The following GRIK1 variants were observed in gnomAD, a reference collection of about 807,000 sequenced individuals.
The protein encoded by GRIK1 is glutamate receptor ionotropic, kainate 1.
GRIK1 carries 69 observed loss-of-function variants against 105.7 expected under a neutral mutation model. The ratio of observed to expected loss-of-function variants is 0.65; its 90% CI spans 0.54 to 0.80. The LOEUF (loss-of-function observed/expected upper bound fraction) is 0.80, where lower values mean the gene tolerates loss of function less well. GRIK1 is among the 30% of genes least tolerant of loss of function. GRIK1 has a pLI of 0.00. For missense variants in GRIK1, 1,109 were observed against 1,167.3 expected, an observed-to-expected ratio of 0.95 and a Z score of 0.73; for synonymous variants, 438 against 431.3, an observed-to-expected ratio of 1.02 and a Z score of -0.19.
intron 1 of GRIK1, among the ~76,000 whole-genome samples, chr21:29,840,222 T>C (rs1172803521): frequency 6.6e-6 from 1 of 151,936 alleles, no homozygotes; most frequent in Non-Finnish European, 1.5e-5. Context: ...TTTTGAAAAA[T>C]AAGAAAAAAA....
At chr21:29,775,839 C>A (rs13053028) in intron 1 of GRIK1, among the ~76,000 whole-genome samples, 2 of 152,176 alleles carry the variant, frequency 1.3e-5, no homozygotes, top group Non-Finnish European at 2.9e-5. Context: ...GATTTAAAGG[C>A]GCTAAACCTC....
chr21:29,547,927 T>C (rs540571625), intron 16 of GRIK1, among the ~76,000 whole-genome samples: 1 of 152,324 alleles, frequency 6.6e-6, no homozygotes, highest in South Asian at 2.1e-4. Flanking sequence ...GAGTGGGTTA[T>C]CAAATGACAG....
At chr21:29,729,774 T>C (rs1422329484) in intron 1 of GRIK1, among the ~76,000 whole-genome samples, 1 of 152,168 alleles carries the variant, frequency 6.6e-6, no homozygotes, top group African/African-American at 2.4e-5. Context: ...TCTGGAGATG[T>C]TACCTATATG....
intron 1 of GRIK1, chr21:29,748,700 T>C (rs2065106642): frequency 6.6e-6 from 1 of 152,210 alleles, no homozygotes; most frequent in African/African-American, 2.4e-5. Flanking sequence ...AAGATAGTTA[T>C]TACACACATG....
intron 1 of GRIK1, among the ~76,000 whole-genome samples, chr21:29,750,548 A>G (rs1431141396): frequency 1.3e-5 from 2 of 152,180 alleles, no homozygotes; most frequent in East Asian, 3.9e-4. Context: ...ATGTGGCACC[A>G]CATTTGTCTT....
rs538612342 is a variant in GRIK1, at chr21:29,814,240, C to A, written c.119-120177G>T. On this transcript the variant is annotated intron_variant, in intron 1 of 17. Transcript: ENST00000327783. Reference sequence around the variant, plus strand: ...TGCTGGGATTACAGCCGTGAGTCACCGTGCCCAGCTCCCAAGAAACTTTCT... The same window carrying A: ...TGCTGGGATTACAGCCGTGAGTCACAGTGCCCAGCTCCCAAGAAACTTTCT... 3.3e-5 allele frequency among the ~76,000 whole-genome samples: 5 copies of A among 151,720 alleles called. No individual in the cohort carries two copies. In the South Asian group the frequency reaches 1.0e-3, roughly 32 times the overall value.
chr21:29,652,338 G>A (rs576361532), intron 5 of GRIK1, among the ~76,000 whole-genome samples: 7 of 151,774 alleles, frequency 4.6e-5, no homozygotes, highest in Non-Finnish European at 8.8e-5. Flanking sequence ...ACTCCTGGCC[G>A]AAAAAAAATC....
At chr21:29,554,858 G>A (rs1248089782) in intron 16 of GRIK1, among the ~76,000 whole-genome samples, 194 bp downstream of exon 16, 1 of 152,060 alleles carries the variant, frequency 6.6e-6, no homozygotes, top group African/African-American at 2.4e-5. Flanking sequence ...CTTCCTTGTC[G>A]TTAATAAATG....
rs34910439 is a variant in GRIK1 at position 29,541,575 on chromosome 21, C to CTTTTTTTTTTTTTTTTTTTTTTTTT, written c.2608-3692_2608-3691insAAAAAAAAAAAAAAAAAAAAAAAAA. Among the ~76,000 whole-genome samples, 39 of 95,970 alleles carry CTTTTTTTTTTTTTTTTTTTTTTTTT rather than the reference C, an allele frequency of 4.1e-4. 1 individual carries two copies. The highest frequency in any genetic ancestry group is 6.9e-4 in the Admixed American group (6 of 8,668). 63.0% of individuals were successfully genotyped at this position (95,970 alleles called of 152,430 possible). A position where few individuals can be genotyped will look rare whatever the true frequency, so the allele number is the denominator to read the frequency against. ...CTATGCCATTCATTGCACTCACGGT[C>CTTTTTTTTTTTTTTTTTTTTTTTTT]TTTTTTTTTTTTTTTTTTTTTGTGG... On this transcript the variant is annotated intron_variant, in intron 16 of 17. Transcript: ENST00000327783.
chr21:29,845,401 G>C (rs1385576469), intron 1 of GRIK1, among the ~76,000 whole-genome samples: 1 of 152,036 alleles, frequency 6.6e-6, no homozygotes, highest in African/African-American at 2.4e-5. Flanking sequence ...TGTTTTGTGA[G>C]ATATTTCAAG....
chr21:29,649,070 G>C (rs1024626311), intron 6 of GRIK1, among the ~76,000 whole-genome samples: 1 of 152,028 alleles, frequency 6.6e-6, no homozygotes, highest in African/African-American at 2.4e-5. Flanking sequence ...AGGTCCTTTC[G>C]TGCCCTTCAA....
intron 1 of GRIK1, among the ~76,000 whole-genome samples, chr21:29,906,403 AT>A (rs920741884): frequency 3.9e-5 from 6 of 152,224 alleles, no homozygotes; most frequent in African/African-American, 1.4e-4. Context: ...CTTCAGAAAA[AT>A]ATAACATACT....
chr21:29,692,269 T>C (rs938591623), intron 2 of GRIK1, among the ~76,000 whole-genome samples: 2 of 152,178 alleles, frequency 1.3e-5, no homozygotes, highest in African/African-American at 4.8e-5. Flanking sequence ...CATTGCTAAA[T>C]GTGGTTGGCT....
At chr21:29,781,871 C>G (rs544622154) in intron 1 of GRIK1, among the ~76,000 whole-genome samples, 1 of 149,614 alleles carries the variant, frequency 6.7e-6, no homozygotes, top group East Asian at 2.0e-4. Flanking sequence ...GGGGTTTCAC[C>G]TTGTTAGCCA....
At chr21:29,686,449 C>T (rs1263806687) in intron 3 of GRIK1, among the ~76,000 whole-genome samples, 2 of 152,140 alleles carry the variant, frequency 1.3e-5, no homozygotes, top group East Asian at 3.9e-4. Context: ...GAAACCAAAA[C>T]GAAGGAGTTT....
In GRIK1 at chr21:29,709,673, A is replaced by G. The variant is rs562562906; in HGVS notation, c.119-15610T>C. On this transcript the variant is annotated intron_variant, in intron 1 of 17. Coordinates refer to ENST00000327783, the MANE Select transcript of GRIK1 (RefSeq NM_001330994.2). Reference sequence around the variant, plus strand: ...CAGGATATTTATATTTATTAGCTTTATTTTATAGTTTTCAAAAACAAATCA... The same window carrying G: ...CAGGATATTTATATTTATTAGCTTTGTTTTATAGTTTTCAAAAACAAATCA... Among the ~76,000 whole-genome samples, 8 of 152,022 alleles carry G rather than the reference A, an allele frequency of 5.3e-5. No individual in the cohort carries two copies. The East Asian group carries it at 1.5e-3, about 29-fold the overall frequency.
At chr21:29,606,910 A>G (rs1373146027) in intron 7 of GRIK1, among the ~76,000 whole-genome samples, 2 of 152,090 alleles carry the variant, frequency 1.3e-5, no homozygotes, top group Admixed American at 6.6e-5. Context: ...CTCCTCCACA[A>G]CTGGGTGCAG....
intron 1 of GRIK1, among the ~76,000 whole-genome samples, chr21:29,818,677 T>C (rs935590604): frequency 1.3e-5 from 2 of 152,124 alleles, no homozygotes; most frequent in African/African-American, 4.8e-5. Flanking sequence ...AGTATCTATT[T>C]GTAATTCAAA....
rs2090217143 is a variant in GRIK1 at position 29,555,087 on chromosome 21, T to G, written c.2572A>C (p.Ile858Leu). The G allele has an allele frequency of 1.2e-6, 2 of 1,611,028 alleles. No homozygotes were observed. Among genetic ancestry groups the G allele is most frequent in the Non-Finnish European group, 1.7e-6 (2 of 1,177,320 alleles). Residue 858 changes from isoleucine (I) to leucine (L), a missense_variant, in exon 16 of 18, where the codon ATA becomes CTA. By Grantham distance (5) the Ile-to-Leu change is conservative (BLOSUM62 2). Coordinates refer to ENST00000327783, the MANE Select transcript of GRIK1 (RefSeq NM_001330994.2). ...TCATTATTCTTCCGTGATTTGTATA[T>G]GAATTCTCCAATAGCTACAAATACA... ...LSVFVAIGEF[I>L]YKSRKNNDIE...
Sources: allele counts gnomAD v4.1 joint callset (sites outside exome capture counted in the v4.1 genomes callset), GRCh38; gene constraint gnomAD v4.1.1; transcripts MANE v1.5; gene names NCBI Gene and HGNC (gene_info 2026-07-23, HGNC 2026-07-21).